Variants in ADAMTS16 observed in about 807,000 individuals in gnomAD.
ADAMTS16 encodes the protein A disintegrin and metalloproteinase with thrombospondin motifs 16.
A neutral mutation model predicts 145.8 loss-of-function variants in ADAMTS16; 94 were observed. The ratio of observed to expected loss-of-function variants is 0.64; its 90% CI spans 0.55 to 0.77. The LOEUF is 0.77. Ranked by LOEUF, ADAMTS16 falls within the 30% of genes least tolerant of loss-of-function variation. The pLI is 0.00. For missense variants in ADAMTS16, 1,585 were observed against 1,591.5 expected, an observed-to-expected ratio of 1.00 and a Z score of 0.07; for synonymous variants, 659 against 604.3, an observed-to-expected ratio of 1.09 and a Z score of -1.33.
In ADAMTS16 at chr5:5,239,917, A is replaced by T; in HGVS notation, c.2515A>T (p.Ile839Phe). ...TACTGGACCAACCAACGAGACACTG[A>T]TTGTGGAGGTAAAGTCCAGCCTCTT... The part of the protein sequence containing the change: ...IATGPTNETL[I>F]VELLFQGRNP... The change falls in exon 16 of 23, where the codon ATT (isoleucine) becomes TTT (phenylalanine). Residue 839 changes from isoleucine to phenylalanine, a missense_variant. By Grantham distance (21) the Ile-to-Phe change is conservative (BLOSUM62 0). Around this residue, in one of 3 missense-constraint regions of ADAMTS16, gnomAD observed 834 missense variants for 811.7 expected, o/e 1.03. Coordinates refer to ENST00000274181, the MANE Select transcript of ADAMTS16 (RefSeq NM_139056.4). The T allele has an allele frequency of 6.2e-7, 1 of 1,613,640 alleles. No individual in the cohort carries two copies. Among genetic ancestry groups the T allele is most frequent in the East Asian group, 2.2e-5 (1 of 44,840 alleles).
intron 4 of ADAMTS16, among the ~76,000 whole-genome samples, chr5:5,183,591 T>C (rs910637660): frequency 1.3e-5 from 2 of 152,208 alleles, no homozygotes; most frequent in Non-Finnish European, 2.9e-5. Context: ...GACGCCACAG[T>C]GGACCTTGAA....
At chr5:5,306,871 T>A in intron 21 of ADAMTS16, 143 bp downstream of exon 21, 1 of 860,138 alleles carries the variant, frequency 1.2e-6, no homozygotes, top group Non-Finnish European at 1.7e-6. Context: ...CCAGAGCATG[T>A]GCGGGTGGCC....
rs374194354 is a variant in ADAMTS16 at position 5,206,895 on chromosome 5, T to G, written c.1452-2198T>G. 1.1e-4 allele frequency among the ~76,000 whole-genome samples: 16 copies of G among 152,306 alleles called. 1 individual carries two copies. The highest frequency in any genetic ancestry group is 4.1e-4 in the South Asian group (2 of 4,822). On this transcript the variant is annotated intron_variant, in intron 9 of 22. Coordinates refer to ENST00000274181, the MANE Select transcript of ADAMTS16 (RefSeq NM_139056.4). ...TTTGTCAAAGATCAGTTGACTATAT[T>G]TATGTGGGTGGATTATTGGCCTTTC...
intron 10 of ADAMTS16, 87 bp from the exon 11 acceptor site, chr5:5,222,702 T>C (rs1736641476): frequency 8.9e-7 from 1 of 1,121,176 alleles, no homozygotes; most frequent in Non-Finnish European, 1.3e-6. Flanking sequence ...TCTGTTGTTT[T>C]CACCTTAAAT....
intron 10 of ADAMTS16, among the ~76,000 whole-genome samples, chr5:5,212,459 T>A (rs375700355): frequency 1.3e-5 from 2 of 152,212 alleles, no homozygotes; most frequent in African/African-American, 4.8e-5. Flanking sequence ...TTCTGTTTTA[T>A]ATATTCTGAA....
At chr5:5,175,775 C>T (rs907145227) in intron 3 of ADAMTS16, among the ~76,000 whole-genome samples, 4 of 152,116 alleles carry the variant, frequency 2.6e-5, no homozygotes, top group Non-Finnish European at 5.9e-5. Context: ...GTGTTGCTTT[C>T]CACTGTGATA....
chr5:5,231,010 G>A (rs556863361), intron 11 of ADAMTS16, among the ~76,000 whole-genome samples: 2 of 152,174 alleles, frequency 1.3e-5, no homozygotes, highest in South Asian at 4.1e-4. Context: ...TTTAAAAAGG[G>A]GGGAAAAGAA....
intron 3 of ADAMTS16, among the ~76,000 whole-genome samples, chr5:5,177,063 T>G (rs1735217315): frequency 6.6e-6 from 1 of 152,196 alleles, no homozygotes; most frequent in Non-Finnish European, 1.5e-5. Context: ...GCCTCACCCT[T>G]GCCTCCTCTC....
intron 3 of ADAMTS16, among the ~76,000 whole-genome samples, chr5:5,149,973 C>A (rs188231579): frequency 6.6e-6 from 1 of 152,030 alleles, no homozygotes; most frequent in East Asian, 1.9e-4. Flanking sequence ...TTGGCTACTG[C>A]GAATAATGCT....
At chr5:5,232,550 A>G in intron 12 of ADAMTS16, 34 bp downstream of exon 12, 1 of 1,597,530 alleles carries the variant, frequency 6.3e-7, no homozygotes, top group Non-Finnish European at 8.5e-7. Context: ...CTCACAAACG[A>G]CTGATTTCCA....
In ADAMTS16 at chr5:5,165,078, AC is replaced by A. The variant is rs566388377; in HGVS notation, c.502-16963del. Among the ~76,000 whole-genome samples the A allele has an allele frequency of 2.6e-3, 398 of 152,132 alleles. 4 individuals carry two copies. The highest frequency in any genetic ancestry group is 9.3e-3 in the African/African-American group (384 of 41,476). On this transcript the variant is annotated intron_variant, in intron 3 of 22. Coordinates refer to ENST00000274181, the MANE Select transcript of ADAMTS16 (RefSeq NM_139056.4). ...AGTTCAGTCTTAGATTATTTCCAGC[AC>A]CCAGAAAGCACTCACATACCCCTTA...
chr5:5,293,599 T>A (rs973427694), intron 18 of ADAMTS16, among the ~76,000 whole-genome samples: 1 of 152,154 alleles, frequency 6.6e-6, no homozygotes. Flanking sequence ...TTCTCTGTCC[T>A]GAGATCGGGA....
rs545092286 is a variant in ADAMTS16 at position 5,249,155 on chromosome 5, T to A, written c.2662+6964T>A. On this transcript the variant is annotated intron_variant, in intron 17 of 22. Transcript: ENST00000274181. ...GCTGATGTCAAATATAAGAACTTAA[T>A]ACTTTAGGTCTAAGTAGACTAATCC... 9.2e-5 allele frequency among the ~76,000 whole-genome samples: 14 copies of A among 152,294 alleles called. No homozygotes were observed. In the South Asian group the frequency reaches 2.9e-3, roughly 32 times the overall value.
At position 5,208,482 on chromosome 5, in the gene ADAMTS16, A is replaced by G. The variant is rs140560244; in HGVS notation, c.1452-611A>G. Among the ~76,000 whole-genome samples the G allele has an allele frequency of 5.8e-4, 89 of 152,310 alleles. 1 individual carries two copies. In the East Asian group the frequency reaches 0.015, roughly 26 times the overall value. On this transcript the variant is annotated intron_variant, in intron 9 of 22. Transcript: ENST00000274181. ...TCTATTTATGGAAAAAGAAATTATT[A>G]CTTGTTCTTTAGCCATCTACCAATG...
chr5:5,204,657 T>A (rs574724133), intron 9 of ADAMTS16, among the ~76,000 whole-genome samples: 21 of 152,372 alleles, frequency 1.4e-4, no homozygotes, highest in Admixed American at 1.4e-3. Context: ...AATATATAAA[T>A]ATACTAAAAC....
chr5:5,233,035 A>T (rs1365243109), intron 12 of ADAMTS16, among the ~76,000 whole-genome samples: 1 of 72,162 alleles, frequency 1.4e-5, no homozygotes, highest in African/African-American at 3.0e-5. Flanking sequence ...ACCTGACCAC[A>T]GCAAAAAAAT....
intron 3 of ADAMTS16, among the ~76,000 whole-genome samples, chr5:5,156,519 G>C (rs1189855664): frequency 1.3e-5 from 2 of 152,290 alleles, no homozygotes; most frequent in East Asian, 1.9e-4. Flanking sequence ...ACTAAACCTT[G>C]CTAGGCCTTG....
intron 3 of ADAMTS16, among the ~76,000 whole-genome samples, chr5:5,157,790 TTACGTCCAC>T (rs1353344505): frequency 2.6e-5 from 4 of 152,228 alleles, no homozygotes; most frequent in Non-Finnish European, 5.9e-5. Flanking sequence ...AAACCCCTCT[TTACGTCCAC>T]AGTTGTTGAG....
At chr5:5,216,026 T>A (rs1000952010) in intron 10 of ADAMTS16, among the ~76,000 whole-genome samples, 3 of 151,392 alleles carry the variant, frequency 2.0e-5, no homozygotes, top group Non-Finnish European at 4.4e-5. Flanking sequence ...CTTTTTTGAA[T>A]AATGACTTAT....
Sources: allele counts gnomAD v4.1 joint callset (sites outside exome capture counted in the v4.1 genomes callset), GRCh38; gene constraint gnomAD v4.1.1; regional missense constraint gnomAD v4.1.1; transcripts MANE v1.5; gene names NCBI Gene and HGNC (gene_info 2026-07-23, HGNC 2026-07-21).